Variants in TBC1D31 observed in about 807,000 individuals in gnomAD.
TBC1D31 encodes the protein TBC1 domain family member 31, also known as WD repeat domain 67.
Under a neutral mutation model 132.9 loss-of-function variants are expected in TBC1D31, and 99 were observed. The ratio of observed to expected loss-of-function variants is 0.74; its 90% CI spans 0.63 to 0.88. The LOEUF (loss-of-function observed/expected upper bound fraction) is 0.88, where lower values mean the gene tolerates loss of function less well. Ranked by LOEUF, TBC1D31 falls within the 40% of genes least tolerant of loss-of-function variation. The probability of loss-of-function intolerance (pLI) is 0.00; values close to 1 mark genes in which losing one functional copy is unlikely to be tolerated. For synonymous variants in TBC1D31, 385 were observed against 419.4 expected, an observed-to-expected ratio of 0.92 and a Z score of 1.00; for missense variants, 1,134 against 1,256.6, an observed-to-expected ratio of 0.90 and a Z score of 1.48.
chr8:123,097,309 C>G lies in TBC1D31; in HGVS notation c.699C>G (p.Gly233=). 1 of 1,614,050 alleles carries G rather than the reference C, an allele frequency of 6.2e-7. No homozygotes were observed. The highest frequency in any genetic ancestry group is 8.5e-7 in the Non-Finnish European group (1 of 1,179,994). The change falls in exon 6 of 22, where the codon GGC becomes GGG. Residue 233 remains glycine, a synonymous_variant. Transcript: ENST00000287380. The part of the protein sequence containing the change: ...TRDGRILAAG[G]KSNHLHLWCL... ...ATGGCCGAATCCTGGCTGCTGGAGG[C>G]AAGTCAAATCATCTTCATTTGTGGT...
chr8:123,157,281 C>G, the TBC1D31 span, among the ~76,000 whole-genome samples: 1 of 152,352 alleles, frequency 6.6e-6, no homozygotes, highest in South Asian at 2.1e-4. Context: ...GACTGACGCG[C>G]TACCTACTGC....
the TBC1D31 span, among the ~76,000 whole-genome samples, chr8:123,163,475 C>T: frequency 1.3e-5 from 2 of 151,404 alleles, no homozygotes; most frequent in South Asian, 2.1e-4. Context: ...AGTGATCCTC[C>T]CACCTCAGCC....
At chr8:123,106,370 C>T (rs1817922791) in intron 8 of TBC1D31, among the ~76,000 whole-genome samples, 4 of 152,160 alleles carry the variant, frequency 2.6e-5, no homozygotes. Flanking sequence ...TATCACAGTG[C>T]TTGTGTTCCA....
intron 8 of TBC1D31, among the ~76,000 whole-genome samples, chr8:123,108,807 T>TA (rs1231811607): frequency 6.6e-6 from 1 of 152,112 alleles, no homozygotes; most frequent in Non-Finnish European, 1.5e-5. Context: ...TCTGGAAACT[T>TA]ACAATCATGG....
chr8:123,162,956 C>G, the TBC1D31 span, among the ~76,000 whole-genome samples: 2 of 152,056 alleles, frequency 1.3e-5, no homozygotes, highest in Non-Finnish European at 2.9e-5. Flanking sequence ...CCTCAGCCTC[C>G]TGAGTAGCTG....
intron 2 of TBC1D31, among the ~76,000 whole-genome samples, chr8:123,081,364 C>G (rs538108122): frequency 7.4e-6 from 1 of 135,834 alleles, no homozygotes; most frequent in South Asian, 2.4e-4. Context: ...GCTACTACTA[C>G]CTACTAGAAA....
Position 123,152,044 on chromosome 8 carries a change from T to A in TBC1D31, c.*105T>A. 15 of 1,125,198 alleles carry A rather than the reference T, an allele frequency of 1.3e-5. No homozygotes were observed. The highest frequency in any genetic ancestry group is 1.7e-5 in the Non-Finnish European group (15 of 864,404). 69.7% of individuals were successfully genotyped at this position (1,125,198 alleles called of 1,614,324 possible). ...AATTCCTATAAAGATCAGCCCTTTG[T>A]ACAGAAAAATGTGTCTATAAAAATT... On this transcript the variant is annotated 3_prime_UTR_variant, in exon 22 of 22. Transcript: ENST00000287380.
intron 3 of TBC1D31, 31 bp downstream of exon 3, chr8:123,082,848 C>A: frequency 6.7e-7 from 1 of 1,483,114 alleles, no homozygotes; most frequent in Non-Finnish European, 9.4e-7. Context: ...TCTTTTGAAG[C>A]AGAGTAAAAT....
chr8:123,082,462 G>A (rs1418624750), intron 2 of TBC1D31: 10 of 400,056 alleles, frequency 2.5e-5, no homozygotes, highest in Admixed American at 4.4e-5. Flanking sequence ...TGCCAGGATC[G>A]TCTTCCTAAA....
the TBC1D31 span, among the ~76,000 whole-genome samples, chr8:123,157,874 G>A: frequency 6.6e-6 from 1 of 152,306 alleles, no homozygotes; most frequent in South Asian, 2.1e-4. Flanking sequence ...CGGGCTCCGG[G>A]ACGCAGTCCT....
intron 10 of TBC1D31, among the ~76,000 whole-genome samples, chr8:123,117,734 C>T (rs1351740933): frequency 8.5e-6 from 1 of 118,086 alleles, no homozygotes; most frequent in Non-Finnish European, 1.6e-5. Flanking sequence ...GCCTGGGCGA[C>T]AGAGCGAAAC....
At chr8:123,134,313 C>A in intron 17 of TBC1D31, 107 bp downstream of exon 17, 1 of 824,608 alleles carries the variant, frequency 1.2e-6, no homozygotes, top group Non-Finnish European at 2.0e-6. Flanking sequence ...AGGAGGATCA[C>A]TTGAGCTAAG....
At chr8:123,112,282 TATTTA>T (rs1016085907) in intron 10 of TBC1D31, among the ~76,000 whole-genome samples, 2 of 152,254 alleles carry the variant, frequency 1.3e-5, no homozygotes, top group African/African-American at 4.8e-5. Context: ...AAAATTTTTG[TATTTA>T]ATTTAATTTG....
intron 4 of TBC1D31, among the ~76,000 whole-genome samples, chr8:123,086,104 T>A (rs1438814346): frequency 6.6e-6 from 1 of 152,184 alleles, no homozygotes; most frequent in African/African-American, 2.4e-5. Flanking sequence ...TGTTATTTTG[T>A]CCTTTATGTC....
rs377726962 is a variant in TBC1D31, at chr8:123,129,428, C to T, written c.2270+210C>T. 7.2e-5 allele frequency among the ~76,000 whole-genome samples: 11 copies of T among 152,304 alleles called. No individual in the cohort carries two copies. The South Asian group carries it at 2.3e-3, about 32-fold the overall frequency. The stretch of plus-strand genomic sequence containing the variant: ...TATGTAGTAAAATGTAATTCTGAAG[C>T]TATGCTGAATATAATATAGCTTTGC... On this transcript the variant is annotated intron_variant, in intron 15 of 21. Transcript: ENST00000287380.
At chr8:123,093,395 T>A (rs2130166295) in intron 4 of TBC1D31, among the ~76,000 whole-genome samples, 196 bp from the exon 5 acceptor site, 1 of 150,624 alleles carries the variant, frequency 6.6e-6, no homozygotes, top group South Asian at 2.1e-4. Flanking sequence ...TAGTTTTCGT[T>A]TGAAGGGTTT....
Position 123,120,161 on chromosome 8 carries a change from T to A in TBC1D31, c.1543T>A (p.Cys515Ser). ...VKLFQNNQLI[C>S]FEVIATLIIN... Reference sequence around the variant, plus strand: ...ATTATTCCAGAACAACCAACTCATCTGTTTTGAAGTTATTGCTACTCTCAT... The same window carrying A: ...ATTATTCCAGAACAACCAACTCATCAGTTTTGAAGTTATTGCTACTCTCAT... The change falls in exon 11 of 22, where the codon TGT becomes AGT. Residue 515 changes from cysteine (C) to serine (S), a missense_variant. Physicochemically the swap from Cys to Ser is moderately radical, Grantham distance 112 (BLOSUM62 -1). Coordinates refer to ENST00000287380, the MANE Select transcript of TBC1D31 (RefSeq NM_145647.4). 1 of 1,609,066 alleles carries A rather than the reference T, an allele frequency of 6.2e-7. No homozygotes were observed.
At chr8:123,127,658 T>C (rs1043607337) in intron 13 of TBC1D31, among the ~76,000 whole-genome samples, 1 of 152,132 alleles carries the variant, frequency 6.6e-6, no homozygotes, top group Admixed American at 6.6e-5. Flanking sequence ...TCTTAGAGGG[T>C]CTGAATGCTT....
At chr8:123,159,599 C>G in the TBC1D31 span, among the ~76,000 whole-genome samples, 2 of 152,170 alleles carry the variant, frequency 1.3e-5, no homozygotes, top group Non-Finnish European at 2.9e-5. Flanking sequence ...CGAGACCAGC[C>G]TGACTAACAT....
Sources: gnomAD v4.1 joint callset for allele counts (sites outside exome capture counted in the v4.1 genomes callset) on GRCh38, gnomAD v4.1.1 for gene constraint, MANE v1.5 for transcripts, NCBI Gene and HGNC (gene_info 2026-07-23, HGNC 2026-07-21) for gene names.